Variants in COBL observed in about 807,000 individuals in gnomAD.
COBL encodes cordon-bleu WH2 repeat protein.
A neutral mutation model predicts 98.8 loss-of-function variants in COBL; 51 were observed. The ratio of observed to expected loss-of-function variants is 0.52; its 90% CI spans 0.41 to 0.65. The LOEUF (loss-of-function observed/expected upper bound fraction) is 0.65, where lower values mean the gene tolerates loss of function less well. Among genes scored for constraint, COBL ranks in the 30% least tolerant of loss-of-function variants. The probability of loss-of-function intolerance (pLI) is 0.00; values close to 1 mark genes in which losing one functional copy is unlikely to be tolerated. For synonymous variants in COBL, 634 were observed against 651.7 expected (o/e 0.97, Z 0.41); for missense variants, 1,617 against 1,617.5 (o/e 1.00, Z 0.01).
At chr7:51,286,949 T>C (rs2129182747) in intron 1 of COBL, among the ~76,000 whole-genome samples, 1 of 152,344 alleles carries the variant, frequency 6.6e-6, no homozygotes, top group South Asian at 2.1e-4. Context: ...TTAAATCATG[T>C]CCTTTGCAGC....
At chr7:51,312,016 A>G (rs1803099857) in intron 1 of COBL, among the ~76,000 whole-genome samples, 1 of 152,048 alleles carries the variant, frequency 6.6e-6, no homozygotes, top group Non-Finnish European at 1.5e-5. Context: ...ATGTACGAAA[A>G]CACCATATAA....
chr7:51,159,979 G>A (rs534579031), intron 5 of COBL, among the ~76,000 whole-genome samples: 6 of 152,232 alleles, frequency 3.9e-5, no homozygotes, highest in South Asian at 2.1e-4. Context: ...TACAACCTCC[G>A]CCTCCCGAGT....
chr7:51,184,761 G>C (rs1789327088), intron 4 of COBL, among the ~76,000 whole-genome samples: 1 of 152,330 alleles, frequency 6.6e-6, no homozygotes, highest in African/African-American at 2.4e-5. Flanking sequence ...CATGAGGCCT[G>C]TGGCTGCCAA....
chr7:51,178,072 G>A (rs977159879), intron 5 of COBL, among the ~76,000 whole-genome samples: 5 of 152,016 alleles, frequency 3.3e-5, no homozygotes, highest in Non-Finnish European at 7.4e-5. Context: ...CTTGAATCTG[G>A]GATATGGAGG....
At chr7:51,088,826 A>G (rs1350041309) in intron 6 of COBL, among the ~76,000 whole-genome samples, 1 of 152,200 alleles carries the variant, frequency 6.6e-6, no homozygotes, top group Non-Finnish European at 1.5e-5. Context: ...GGGGAAGCCC[A>G]GCTCCTGCCT....
At chr7:51,240,558 T>C (rs1226894259) in intron 1 of COBL, among the ~76,000 whole-genome samples, 1 of 152,138 alleles carries the variant, frequency 6.6e-6, no homozygotes, top group Non-Finnish European at 1.5e-5. Flanking sequence ...TTTATTTTAT[T>C]TTTTTGAGAC....
intron 5 of COBL, among the ~76,000 whole-genome samples, chr7:51,142,909 G>A (rs1784673246): frequency 6.6e-6 from 1 of 152,132 alleles, no homozygotes; most frequent in Non-Finnish European, 1.5e-5. Flanking sequence ...TGTGTCCTCA[G>A]GCAGGCAGGA....
rs149072215 is a variant in COBL, at chr7:51,060,678, A to G, written c.1097-16986T>C. Among the ~76,000 whole-genome samples the G allele has an allele frequency of 1.3e-4, 20 of 152,318 alleles. No homozygotes were observed. In the East Asian group the frequency reaches 3.1e-3, roughly 24 times the overall value. On this transcript the variant is annotated intron_variant, in intron 7 of 12. Coordinates refer to ENST00000265136, the MANE Select transcript of COBL (RefSeq NM_015198.5). ...GCACCATCATTATCCCTAGTGACCC[A>G]CTAGCAAAACGTTTTCCTCATGACT...
rs950765008 is a variant in COBL, at chr7:51,061,996, C to T, written c.1097-18304G>A. Among the ~76,000 whole-genome samples, 9 of 149,204 alleles carry T rather than the reference C, an allele frequency of 6.0e-5. 1 individual carries two copies. The East Asian group carries it at 1.8e-3, about 30-fold the overall frequency. On this transcript the variant is annotated intron_variant, in intron 7 of 12. Coordinates refer to ENST00000265136, the MANE Select transcript of COBL (RefSeq NM_015198.5). ...ACACACACACACTCATAAATATATC[C>T]TATTGTTCTGTATCTCTGGAGAAGC...
chr7:51,093,207 T>C (rs1794973259), intron 6 of COBL, among the ~76,000 whole-genome samples: 1 of 152,080 alleles, frequency 6.6e-6, no homozygotes, highest in Middle Eastern at 3.2e-3. Context: ...AATTAAAAAG[T>C]GGGCAAAGAA....
At chr7:51,063,482 T>C (rs1264046977) in intron 7 of COBL, among the ~76,000 whole-genome samples, 1 of 152,254 alleles carries the variant, frequency 6.6e-6, no homozygotes, top group Non-Finnish European at 1.5e-5. Flanking sequence ...ATAATCTTTA[T>C]ATTTCTGACT....
At chr7:51,187,351 C>T (rs1789644566) in intron 4 of COBL, among the ~76,000 whole-genome samples, 1 of 149,170 alleles carries the variant, frequency 6.7e-6, no homozygotes, top group South Asian at 2.1e-4. Context: ...CACACACACA[C>T]ACACATATAT....
chr7:51,112,836 CATA>C (rs1796957206), intron 6 of COBL, among the ~76,000 whole-genome samples: 2 of 152,174 alleles, frequency 1.3e-5, no homozygotes, highest in African/African-American at 4.8e-5. Context: ...CTGTTTTGAA[CATA>C]ATAATTGTGC....
intron 5 of COBL, among the ~76,000 whole-genome samples, chr7:51,166,002 T>C (rs749937676): frequency 7.2e-5 from 11 of 151,854 alleles, no homozygotes; most frequent in Non-Finnish European, 1.2e-4. Context: ...TATATGCCTA[T>C]GTCAAAAAAG....
chr7:51,271,065 T>C (rs1431335120), intron 1 of COBL, among the ~76,000 whole-genome samples: 1 of 152,228 alleles, frequency 6.6e-6, no homozygotes, highest in Non-Finnish European at 1.5e-5. Context: ...CTCCCAGGAA[T>C]GCTTGGGACA....
chr7:51,240,044 A>T (rs1006043169), intron 1 of COBL, among the ~76,000 whole-genome samples: 2 of 152,202 alleles, frequency 1.3e-5, no homozygotes, highest in Non-Finnish European at 2.9e-5. Flanking sequence ...TAATTTTTTT[A>T]TATATTACAA....
chr7:51,111,691 CTCCTTGA>C (rs1228113927), intron 6 of COBL, among the ~76,000 whole-genome samples: 6 of 152,190 alleles, frequency 3.9e-5, no homozygotes, highest in Non-Finnish European at 5.9e-5. Flanking sequence ...CCCCTGCATG[CTCCTTGA>C]CTTCATGGTA....
chr7:51,056,419 G>A (rs1311983419), intron 7 of COBL, among the ~76,000 whole-genome samples: 1 of 152,086 alleles, frequency 6.6e-6, no homozygotes, highest in Non-Finnish European at 1.5e-5. Flanking sequence ...CGGGGGAAAT[G>A]AGCCCTCATC....
intron 6 of COBL, among the ~76,000 whole-genome samples, chr7:51,132,164 C>T (rs748901418): frequency 4.6e-5 from 7 of 152,226 alleles, no homozygotes; most frequent in African/African-American, 1.4e-4. Context: ...CACAGAACCC[C>T]GGCTGGGGCC....
Sources: gnomAD v4.1 joint callset for allele counts (sites outside exome capture counted in the v4.1 genomes callset) on GRCh38, gnomAD v4.1.1 for gene constraint, MANE v1.5 for transcripts, NCBI Gene and HGNC (gene_info 2026-07-23, HGNC 2026-07-21) for gene names.